The following SDF2 variants were observed in gnomAD, a reference collection of about 807,000 sequenced individuals.
SDF2 encodes the protein stromal cell-derived factor 2.
A neutral mutation model predicts 20.5 loss-of-function variants in SDF2; 12 were observed. That is an observed-to-expected ratio of 0.58 (90% CI 0.37 to 0.95). SDF2 has a LOEUF of 0.95. Among genes scored for constraint, SDF2 ranks in the 40% least tolerant of loss-of-function variants. The pLI, the probability that SDF2 is intolerant of heterozygous loss-of-function variation, is 0.01. For missense variants in SDF2, 238 were observed against 263.1 expected, an observed-to-expected ratio of 0.90 and a Z score of 0.66; for synonymous variants, 100 against 101.0, an observed-to-expected ratio of 0.99 and a Z score of 0.06.
At chr17:28,649,569 T>C (rs1189217713) in intron 2 of SDF2, among the ~76,000 whole-genome samples, 1 of 151,876 alleles carries the variant, frequency 6.6e-6, no homozygotes, top group Non-Finnish European at 1.5e-5. Flanking sequence ...ACCCTGTCTC[T>C]ACTAAAAATA....
intron 1 of SDF2, among the ~76,000 whole-genome samples, chr17:28,659,031 A>C (rs1353031110): frequency 2.1e-5 from 3 of 141,252 alleles, no homozygotes. Flanking sequence ...GGCCGTGCAG[A>C]GGCGCTCCTC....
chr17:28,661,178 G>C (rs189542462), intron 1 of SDF2: 10 of 455,154 alleles, frequency 2.2e-5, no homozygotes, highest in African/African-American at 1.4e-4. Flanking sequence ...GTAGAAGGGG[G>C]CCAAAGATGG....
At chr17:28,649,945 A>AT (rs1269254712) in intron 2 of SDF2, among the ~76,000 whole-genome samples, 3 of 148,434 alleles carry the variant, frequency 2.0e-5, no homozygotes, top group Non-Finnish European at 4.5e-5. Context: ...TTGTTATTTT[A>AT]TTTATTTATT....
intron 2 of SDF2, among the ~76,000 whole-genome samples, chr17:28,653,583 G>T (rs548835075): frequency 2.0e-5 from 3 of 152,228 alleles, no homozygotes; most frequent in Non-Finnish European, 4.4e-5. Context: ...GGAGGCCAAG[G>T]TGGGTGGATC....
chr17:28,655,179 CA>C lies in SDF2; in HGVS notation c.348+107del, dbSNP rs2071949717. On this transcript the variant is annotated intron_variant, in intron 2 of 2. Transcript: ENST00000247020. The stretch of plus-strand genomic sequence containing the variant: ...ATAGAGCCATTTCCCCAGGTCTGCA[CA>C]AAAGAGAACATCTACACCTAGAAAA... 1.8e-5 allele frequency: 20 copies of C among 1,099,564 alleles called. No individual in the cohort carries two copies. The South Asian group carries it at 2.8e-4, about 16-fold the overall frequency. 68.1% of individuals were successfully genotyped at this position (1,099,564 alleles called of 1,614,324 possible). A position where few individuals can be genotyped will look rare whatever the true frequency, so the allele number is the denominator to read the frequency against.
At chr17:28,656,544 C>T (rs564896522) in intron 1 of SDF2, among the ~76,000 whole-genome samples, 8 of 152,022 alleles carry the variant, frequency 5.3e-5, no homozygotes, top group Non-Finnish European at 1.2e-4. Flanking sequence ...GCCAAGATCG[C>T]GCCACTGCCC....
intron 2 of SDF2, among the ~76,000 whole-genome samples, chr17:28,651,733 TCA>T (rs979940214): frequency 6.6e-6 from 1 of 152,216 alleles, no homozygotes. Context: ...GGCCAAATAT[TCA>T]GTTTCTATAC....
chr17:28,661,269 G>C (rs376248038), intron 1 of SDF2: 3 of 424,482 alleles, frequency 7.1e-6, no homozygotes, highest in African/African-American at 6.2e-5. Flanking sequence ...GGAGTTTAAA[G>C]TTTCACAGAC....
In SDF2 at chr17:28,655,283, T is replaced by C. The variant is rs776810897; in HGVS notation, c.348+4A>G. On this transcript the variant is annotated splice_donor_region_variant and intron_variant, in intron 2 of 2. Transcript: ENST00000247020. ...CAGCAACAATCCATCGAAAGCCACCTCACCTGGTTTCCAGAAAGAGGTGAA... is the reference window on the plus strand; with the variant it reads ...CAGCAACAATCCATCGAAAGCCACCCCACCTGGTTTCCAGAAAGAGGTGAA... The C allele has an allele frequency of 1.9e-6, 3 of 1,613,972 alleles. No individual in the cohort carries two copies. The highest frequency in any genetic ancestry group is 2.5e-6 in the Non-Finnish European group (3 of 1,179,984).
In SDF2 at chr17:28,648,960, G is replaced by A; in HGVS notation, c.*29C>T. The A allele has an allele frequency of 1.2e-6, 2 of 1,607,848 alleles. No homozygotes were observed. Among genetic ancestry groups the A allele is most frequent in the Non-Finnish European group, 8.5e-7 (1 of 1,175,956 alleles). On this transcript the variant is annotated 3_prime_UTR_variant, in exon 3 of 3. Transcript: ENST00000247020. ...AGCAACAGATGTCTGTGAACATTGT[G>A]CGTTAACAGTGGCTCAGAGCCTCTA...
intron 2 of SDF2, among the ~76,000 whole-genome samples, chr17:28,650,392 A>AG (rs2071903810): frequency 6.6e-6 from 1 of 152,200 alleles, no homozygotes; most frequent in Non-Finnish European, 1.5e-5. Flanking sequence ...GAAAAAAAAA[A>AG]GATTATGGTC....
At chr17:28,659,382 C>T (rs557487920) in intron 1 of SDF2, among the ~76,000 whole-genome samples, 2 of 147,802 alleles carry the variant, frequency 1.4e-5, no homozygotes, top group South Asian at 4.3e-4. Context: ...AGAGGCGCTC[C>T]CCACTTCCCA....
intron 2 of SDF2, chr17:28,651,386 G>C (rs566158451): frequency 6.6e-6 from 1 of 152,252 alleles, no homozygotes; most frequent in South Asian, 2.1e-4. Flanking sequence ...TATATCTCTT[G>C]TTATTTGACT....
At chr17:28,655,136 AC>A in intron 2 of SDF2, 150 bp downstream of exon 2, 1 of 754,344 alleles carries the variant, frequency 1.3e-6, no homozygotes, top group Non-Finnish European at 2.2e-6. Context: ...CTCAAAAACA[AC>A]AAAAACCCAC....
chr17:28,659,135 C>G (rs1480237545), intron 1 of SDF2, among the ~76,000 whole-genome samples: 1 of 118,018 alleles, frequency 8.5e-6, no homozygotes, highest in African/African-American at 3.3e-5. Flanking sequence ...AGACAATGGG[C>G]GGCCGGGCAG....
intron 1 of SDF2, chr17:28,660,493 G>A (rs990129435): frequency 6.6e-6 from 1 of 152,364 alleles, no homozygotes; most frequent in African/African-American, 2.4e-5. Flanking sequence ...GCTCCGGACT[G>A]AACCTGGTTC....
chr17:28,649,100 C>G lies in SDF2; in HGVS notation c.525G>C (p.Glu175Asp). 6 of 1,614,224 alleles carry G rather than the reference C, an allele frequency of 3.7e-6. No homozygotes were observed. The highest frequency in any genetic ancestry group is 5.1e-6 in the Non-Finnish European group (6 of 1,180,040). ...QYGRPISGQK[E>D]VHGMAQPSQN... is the part of the protein sequence containing the mutation. ...GACTTGGCTGGGCCATGCCATGCAC[C>G]TCTTTTTGCCCACTGATAGGTCGAC... is the stretch of plus-strand genomic sequence containing the variant. The change falls in exon 3 of 3, where the codon GAG becomes GAC. Residue 175 changes from glutamate to aspartate, a missense_variant. Coordinates refer to ENST00000247020, the MANE Select transcript of SDF2 (RefSeq NM_006923.4).
upstream of SDF2, chr17:28,661,919 G>A (rs770801578): frequency 9.5e-6 from 15 of 1,582,076 alleles, no homozygotes; most frequent in East Asian, 3.4e-4. Context: ...AGAAAACTCG[G>A]CCCCTCCCCG....
At chr17:28,654,829 G>A (rs1197230492) in intron 2 of SDF2, among the ~76,000 whole-genome samples, 2 of 152,072 alleles carry the variant, frequency 1.3e-5, no homozygotes, top group Non-Finnish European at 2.9e-5. Context: ...GGTGGCACAC[G>A]CCTGTAGTCC....
Sources: allele counts gnomAD v4.1 joint callset (sites outside exome capture counted in the v4.1 genomes callset), GRCh38; gene constraint gnomAD v4.1.1; transcripts MANE v1.5; gene names NCBI Gene and HGNC (gene_info 2026-07-23, HGNC 2026-07-21).